The following SLF1 variants were observed in gnomAD, a reference collection of about 807,000 sequenced individuals.
The protein encoded by SLF1 is SMC5-SMC6 complex localization factor protein 1.
SLF1 carries 105 observed loss-of-function variants against 123.0 expected under a neutral mutation model. The observed-to-expected ratio is 0.85, with a 90% CI of 0.73 to 1.00. SLF1 has a LOEUF of 1.00. Ranked by LOEUF, SLF1 falls within the 50% of genes least tolerant of loss-of-function variation. The probability of loss-of-function intolerance (pLI) is 0.00; values close to 1 mark genes in which losing one functional copy is unlikely to be tolerated. For synonymous variants in SLF1, 434 were observed against 406.6 expected, an observed-to-expected ratio of 1.07 and a Z score of -0.81; for missense variants, 1,239 against 1,223.0, an observed-to-expected ratio of 1.01 and a Z score of -0.20.
chr5:94,675,495 G>A (rs1750941138), intron 14 of SLF1, among the ~76,000 whole-genome samples: 1 of 152,096 alleles, frequency 6.6e-6, no homozygotes, highest in Non-Finnish European at 1.5e-5. Flanking sequence ...CACTAATACT[G>A]GAAGGAATAG....
rs368015352 is a variant in SLF1 at position 94,641,310 on chromosome 5, CT to C, written c.432-1960del. Among the ~76,000 whole-genome samples, 93 of 144,814 alleles carry C rather than the reference CT, an allele frequency of 6.4e-4. 1 individual carries two copies. In the East Asian group the frequency reaches 6.8e-3, roughly 11 times the overall value. On this transcript the variant is annotated intron_variant, in intron 4 of 20. Coordinates refer to ENST00000265140, the MANE Select transcript of SLF1 (RefSeq NM_032290.4). ...ACTGGCTTGGTTATAAAAGTAAGCT[CT>C]TTCTCACATGGTCTCTCTTGCTCTT...
intron 1 of SLF1, among the ~76,000 whole-genome samples, chr5:94,622,994 T>A (rs750141329): frequency 2.0e-5 from 3 of 152,162 alleles, no homozygotes; most frequent in Non-Finnish European, 4.4e-5. Flanking sequence ...AAACCAGACT[T>A]TTGTATTCAT....
rs1344372817 is a variant in SLF1 at position 94,689,611 on chromosome 5, T to C, written c.2419+5T>C. ...TTCACAAGACTAATCTAAAAGGTAT[T>C]CCAAGTATTTAAATTAATTTATGCT... On this transcript the variant is annotated splice_donor_5th_base_variant and intron_variant, in intron 18 of 20. Transcript: ENST00000265140. 1 of 1,600,386 alleles carries C rather than the reference T, an allele frequency of 6.2e-7. No individual in the cohort carries two copies. Among genetic ancestry groups the C allele is most frequent in the Non-Finnish European group, 8.5e-7 (1 of 1,172,520 alleles).
At chr5:94,629,046 G>T in intron 2 of SLF1, 46 bp from the exon 3 acceptor site, 1 of 1,473,876 alleles carries the variant, frequency 6.8e-7, no homozygotes, top group Non-Finnish European at 9.2e-7. Flanking sequence ...GTCATAAAGG[G>T]AGTCTTACTT....
chr5:94,689,642 C>T (rs1752852139), intron 18 of SLF1, 36 bp downstream of exon 18: 3 of 1,571,118 alleles, frequency 1.9e-6, no homozygotes, highest in Non-Finnish European at 2.6e-6. Flanking sequence ...ATGCTAAGAA[C>T]TTTTCATGGT....
rs79635801 is a variant in SLF1 at position 94,647,508 on chromosome 5, T to G, written c.595-1946T>G. Among the ~76,000 whole-genome samples, 552 of 152,286 alleles carry G rather than the reference T, an allele frequency of 3.6e-3. 2 individuals carry two copies. The highest frequency in any genetic ancestry group is 0.013 in the African/African-American group (533 of 41,556). ...CATTGCCACAACTGTGTTGCCCTAC[T>G]CCTAGATAATAGAATAGGTAGCTGA... On this transcript the variant is annotated intron_variant, in intron 5 of 20. Coordinates refer to ENST00000265140, the MANE Select transcript of SLF1 (RefSeq NM_032290.4).
At chr5:94,671,465 T>C (rs575332405) in intron 14 of SLF1, among the ~76,000 whole-genome samples, 1 of 151,884 alleles carries the variant, frequency 6.6e-6, no homozygotes, top group African/African-American at 2.4e-5. Context: ...ATTAGAAATT[T>C]AACATATAGT....
intron 4 of SLF1, among the ~76,000 whole-genome samples, chr5:94,631,927 G>A (rs1243309674): frequency 1.3e-5 from 2 of 151,642 alleles, no homozygotes; most frequent in African/African-American, 2.4e-5. Flanking sequence ...ATCAGCCTGG[G>A]CAACATGGCG....
Position 94,620,853 on chromosome 5 carries a change from T to C in SLF1, c.-1+2088T>C, listed in dbSNP as rs528231994. On this transcript the variant is annotated intron_variant, in intron 1 of 20. Coordinates refer to ENST00000265140, the MANE Select transcript of SLF1 (RefSeq NM_032290.4). ...AAGTTCACTTAATTCATACTTTCTA[T>C]CAAAATTACTTTGAAATTTAAAATA... 2.6e-5 allele frequency among the ~76,000 whole-genome samples: 4 copies of C among 152,326 alleles called. No individual in the cohort carries two copies. In the East Asian group the frequency reaches 7.7e-4, roughly 29 times the overall value.
At chr5:94,670,097 A>G (rs887771820) in intron 12 of SLF1, 54 bp from the exon 13 acceptor site, 7 of 1,477,312 alleles carry the variant, frequency 4.7e-6, no homozygotes, top group South Asian at 2.7e-5. Context: ...TTTGTTCACA[A>G]ATGACTTAGT....
intron 14 of SLF1, among the ~76,000 whole-genome samples, chr5:94,674,514 A>T (rs1750823919): frequency 6.6e-6 from 1 of 152,246 alleles, no homozygotes; most frequent in Non-Finnish European, 1.5e-5. Context: ...GCTAGAATTC[A>T]TTCTTGTACT....
chr5:94,686,693 C>T lies in SLF1; in HGVS notation c.2096C>T (p.Ser699Phe). 1.2e-6 allele frequency: 2 copies of T among 1,614,048 alleles called. No homozygotes were observed. The highest frequency in any genetic ancestry group is 1.3e-5 in the African/African-American group (1 of 75,062). Residue 699 changes from serine to phenylalanine, a missense_variant, in exon 16 of 21, where the codon TCT becomes TTT. Coordinates refer to ENST00000265140, the MANE Select transcript of SLF1 (RefSeq NM_032290.4). ...LCLQSSGSVS[S>F]EPLSLQKMVY... ...CTACAGAGCTCTGGCAGTGTTTCTT[C>T]TGAGCCACTCTCTCTTCAGAAAATG...
intron 12 of SLF1, among the ~76,000 whole-genome samples, chr5:94,669,940 G>T (rs1203813111): frequency 9.2e-5 from 14 of 151,688 alleles, no homozygotes; most frequent in Admixed American, 8.5e-4. Flanking sequence ...TGAGAAATTA[G>T]ATCTATTTAT....
chr5:94,685,700 T>C (rs1752334393), intron 15 of SLF1, among the ~76,000 whole-genome samples: 1 of 152,108 alleles, frequency 6.6e-6, no homozygotes, highest in Non-Finnish European at 1.5e-5. Flanking sequence ...ATCCACCATC[T>C]GGCACGCACC....
Position 94,695,471 on chromosome 5 carries a change from CA to C in SLF1, c.*163del. The C allele has an allele frequency of 7.1e-6, 6 of 847,292 alleles. No individual in the cohort carries two copies. The highest frequency in any genetic ancestry group is 1.8e-5 in the African/African-American group (1 of 57,136). The allele number at this position is 847,292 out of a possible 1,614,324, so 52.5% of individuals were successfully genotyped here. A position where few individuals can be genotyped will look rare whatever the true frequency, so the allele number is the denominator to read the frequency against. ...AAAAGCATTTTTAAAAAAACTTCTA[CA>C]AAACTCTAGTATGGGCTTCTGACTT... On this transcript the variant is annotated 3_prime_UTR_variant, in exon 21 of 21. Transcript: ENST00000265140.
chr5:94,644,711 C>G lies in SLF1; in HGVS notation c.594+1276C>G, dbSNP rs950548907. 8.5e-5 allele frequency among the ~76,000 whole-genome samples: 13 copies of G among 152,168 alleles called. No homozygotes were observed. In the East Asian group the frequency reaches 9.6e-4, roughly 11 times the overall value. On this transcript the variant is annotated intron_variant, in intron 5 of 20. Transcript: ENST00000265140. The stretch of plus-strand genomic sequence containing the variant: ...TCTACAGGGAAGCCTCCTTGATCCC[C>G]TTACTCAGTGAGGTTCACCTATGTG...
Position 94,676,569 on chromosome 5 carries a change from C to A in SLF1, c.1828-2239C>A, listed in dbSNP as rs1037160065. Among the ~76,000 whole-genome samples the A allele has an allele frequency of 2.0e-5, 3 of 152,168 alleles. No individual in the cohort carries two copies. The East Asian group carries it at 5.8e-4, about 29-fold the overall frequency. On this transcript the variant is annotated intron_variant, in intron 14 of 20. Coordinates refer to ENST00000265140, the MANE Select transcript of SLF1 (RefSeq NM_032290.4). ...GGCTGTCTTGGTCGCTGATCATGTC[C>A]GAAGAAGTACACCACTTTCTTAATC...
chr5:94,644,293 T>C (rs1746770595), intron 5 of SLF1, among the ~76,000 whole-genome samples: 1 of 152,158 alleles, frequency 6.6e-6, no homozygotes, highest in African/African-American at 2.4e-5. Context: ...TTACTCTTTC[T>C]TTTTCCTTTA....
At chr5:94,641,953 CT>C (rs1354517472) in intron 4 of SLF1, among the ~76,000 whole-genome samples, 1 of 152,190 alleles carries the variant, frequency 6.6e-6, no homozygotes, top group Non-Finnish European at 1.5e-5. Flanking sequence ...GACATTCCTG[CT>C]GCTCCTTCAG....
Sources: allele counts gnomAD v4.1 joint callset (sites outside exome capture counted in the v4.1 genomes callset), GRCh38; gene constraint gnomAD v4.1.1; transcripts MANE v1.5; gene names NCBI Gene and HGNC (gene_info 2026-07-23, HGNC 2026-07-21).